SCIN: variants seen among roughly 807,000 people sequenced by gnomAD.
The protein encoded by SCIN is adseverin.
SCIN carries 91 observed loss-of-function variants against 91.8 expected under a neutral mutation model. The ratio of observed to expected loss-of-function variants is 0.99; its 90% confidence interval spans 0.84 to 1.18. The LOEUF is 1.18. Ranked by LOEUF, SCIN falls within the 50% of genes most tolerant of loss-of-function variation. The pLI is 0.00. For missense variants in SCIN, 1,087 were observed against 863.9 expected (o/e 1.26, Z -3.24); for synonymous variants, 367 against 312.6 (o/e 1.17, Z -1.84).
intron 10 of SCIN, among the ~76,000 whole-genome samples, chr7:12,637,871 A>T (rs1208826128): frequency 1.3e-5 from 2 of 152,204 alleles, no homozygotes; most frequent in East Asian, 3.9e-4. Flanking sequence ...ACAGATTAAG[A>T]TAGAGAAAAA....
intron 4 of SCIN, among the ~76,000 whole-genome samples, chr7:12,612,465 T>C (rs1783212794): frequency 6.6e-6 from 1 of 152,170 alleles, no homozygotes; most frequent in African/African-American, 2.4e-5. Context: ...CTCTTTCTCC[T>C]CTTTGCTGCA....
At chr7:12,648,038 G>C (rs138336252) in intron 13 of SCIN, among the ~76,000 whole-genome samples, 1 of 152,170 alleles carries the variant, frequency 6.6e-6, no homozygotes, top group East Asian at 1.9e-4. Flanking sequence ...CCTGCGTAAG[G>C]ATCAGGGGGG....
At chr7:12,605,293 C>T (rs1035275355) in intron 4 of SCIN, among the ~76,000 whole-genome samples, 2 of 152,182 alleles carry the variant, frequency 1.3e-5, no homozygotes, top group Non-Finnish European at 2.9e-5. Flanking sequence ...TTGTGATCCG[C>T]CCGCCTTGGC....
chr7:12,610,968 A>G (rs901810797), intron 4 of SCIN: 3 of 152,222 alleles, frequency 2.0e-5, no homozygotes, highest in African/African-American at 7.2e-5. Context: ...CTCTCAGGTC[A>G]GGTCATCACC....
In SCIN at chr7:12,629,087, T is replaced by G; in HGVS notation, c.1198-14T>G. 6.2e-7 allele frequency: 1 copy of G among 1,606,456 alleles called. No homozygotes were observed. The highest frequency in any genetic ancestry group is 8.5e-7 in the Non-Finnish European group (1 of 1,175,906). ...GAAAATTGTAATTTGTTGTATATAT[T>G]CCATTCCTTCCAGATTTGGCGTGTA... On this transcript the variant is annotated splice_polypyrimidine_tract_variant and intron_variant, in intron 8 of 15. Coordinates refer to ENST00000297029, the MANE Select transcript of SCIN (RefSeq NM_001112706.3).
At chr7:12,609,434 T>G (rs1479415820) in intron 4 of SCIN, among the ~76,000 whole-genome samples, 2 of 152,090 alleles carry the variant, frequency 1.3e-5, no homozygotes, top group African/African-American at 4.8e-5. Context: ...TGAAGAAAAA[T>G]TAAATATTTC....
chr7:12,622,096 G>C (rs779589896), intron 4 of SCIN, among the ~76,000 whole-genome samples: 3 of 151,646 alleles, frequency 2.0e-5, no homozygotes, highest in Non-Finnish European at 2.9e-5. Context: ...ATTAATTAAG[G>C]TACTCATAGA....
chr7:12,607,176 A>ATT (rs1331816866), intron 4 of SCIN, among the ~76,000 whole-genome samples: 1 of 152,198 alleles, frequency 6.6e-6, no homozygotes, highest in African/African-American at 2.4e-5. Context: ...TCTCCTGACT[A>ATT]TTCATTGTGT....
chr7:12,652,688 C>T lies in SCIN; in HGVS notation c.2121C>T (p.Phe707=). ...GHEPPTFTGW[F]LGWDSSKW The stretch of plus-strand genomic sequence containing the variant: ...AGCCACCCACATTCACAGGCTGGTT[C>T]CTGGGCTGGGATTCCAGCAAGTGGT... Residue 707 remains phenylalanine, a synonymous_variant, in exon 16 of 16, where the codon TTC becomes TTT. Transcript: ENST00000297029. The T allele has an allele frequency of 1.2e-6, 2 of 1,605,440 alleles. No individual in the cohort carries two copies. The highest frequency in any genetic ancestry group is 1.7e-6 in the Non-Finnish European group (2 of 1,177,214).
At chr7:12,598,934 A>C (rs1782900110) in intron 3 of SCIN, among the ~76,000 whole-genome samples, 1 of 152,188 alleles carries the variant, frequency 6.6e-6, no homozygotes, top group Non-Finnish European at 1.5e-5. Flanking sequence ...AGAAAGAAAA[A>C]AAAACAGTGT....
intron 10 of SCIN, 114 bp from the exon 11 acceptor site, chr7:12,640,232 CT>C: frequency 2.2e-6 from 2 of 893,522 alleles, no homozygotes. Flanking sequence ...CTGCTCTTGA[CT>C]TTTTATTTTT....
chr7:12,619,637 A>T (rs554419134), intron 4 of SCIN, among the ~76,000 whole-genome samples: 1 of 152,158 alleles, frequency 6.6e-6, no homozygotes, highest in Non-Finnish European at 1.5e-5. Flanking sequence ...CTAGCTAGCT[A>T]CGGGGAAAGA....
chr7:12,660,151 G>A lies in SCIN; in HGVS notation c.*7436G>A, dbSNP rs1005148524. 2.6e-5 allele frequency: 4 copies of A among 152,604 alleles called. No individual in the cohort carries two copies. Among genetic ancestry groups the A allele is most frequent in the African/African-American group, 9.7e-5 (4 of 41,436 alleles). The allele number at this position is 152,604 out of a possible 1,614,324, so 9.5% of individuals were successfully genotyped here. ...TTCGGACTCAGCCCGCCTGCACCCAGGTGAAATAAACAGCCTTGTTGCTAA... is the reference window on the plus strand; with the variant it reads ...TTCGGACTCAGCCCGCCTGCACCCAAGTGAAATAAACAGCCTTGTTGCTAA... On this transcript the variant is annotated 3_prime_UTR_variant, in exon 16 of 16. Coordinates refer to ENST00000297029, the MANE Select transcript of SCIN (RefSeq NM_001112706.3).
chr7:12,610,908 G>A (rs962582023), intron 4 of SCIN: 11 of 152,196 alleles, frequency 7.2e-5, no homozygotes, highest in Admixed American at 5.9e-4. Context: ...CATGTAGCTA[G>A]TATCTAAAAC....
At chr7:12,623,980 T>C (rs1327545020) in intron 5 of SCIN, among the ~76,000 whole-genome samples, 3 of 152,216 alleles carry the variant, frequency 2.0e-5, no homozygotes, top group African/African-American at 4.8e-5. Flanking sequence ...AACAGATATC[T>C]TTTATTTCAC....
At chr7:12,624,431 C>A (rs1750275987) in intron 5 of SCIN, among the ~76,000 whole-genome samples, 1 of 152,064 alleles carries the variant, frequency 6.6e-6, no homozygotes, top group African/African-American at 2.4e-5. Context: ...ATAATTTATA[C>A]AAAGTTTACT....
intron 9 of SCIN, among the ~76,000 whole-genome samples, chr7:12,633,062 C>G (rs1199037658): frequency 6.6e-6 from 1 of 152,138 alleles, no homozygotes; most frequent in Non-Finnish European, 1.5e-5. Context: ...AAAAAATAAG[C>G]AGTTCCGTTG....
intron 2 of SCIN, among the ~76,000 whole-genome samples, chr7:12,580,436 T>C (rs1241960426): frequency 6.6e-6 from 1 of 152,168 alleles, no homozygotes; most frequent in African/African-American, 2.4e-5. Flanking sequence ...ATTGCATCTC[T>C]CCTAGCTTAC....
At chr7:12,612,528 A>G (rs890366312) in intron 4 of SCIN, among the ~76,000 whole-genome samples, 4 of 151,672 alleles carry the variant, frequency 2.6e-5, no homozygotes, top group African/African-American at 7.3e-5. Flanking sequence ...TACTTAGTAC[A>G]CTCCTGAAAT....
Sources: gnomAD v4.1 joint callset for allele counts (sites outside exome capture counted in the v4.1 genomes callset) on GRCh38, gnomAD v4.1.1 for gene constraint, MANE v1.5 for transcripts, NCBI Gene and HGNC (gene_info 2026-07-23, HGNC 2026-07-21) for gene names.